The following SNX29 variants were observed in gnomAD, a reference collection of about 807,000 sequenced individuals.
SNX29 encodes sorting nexin-29.
Under a neutral mutation model 102.1 loss-of-function variants are expected in SNX29, and 78 were observed. The ratio of observed to expected loss-of-function variants is 0.76; its 90% CI spans 0.64 to 0.92. SNX29 has a LOEUF of 0.92. Among genes scored for constraint, SNX29 ranks in the 40% least tolerant of loss-of-function variants. The pLI is 0.00. For missense variants in SNX29, 1,280 were observed against 1,061.7 expected (o/e 1.21, Z -2.86); for synonymous variants, 580 against 414.5 (o/e 1.40, Z -4.85).
At chr16:12,543,163 C>T (rs1344829254) in intron 20 of SNX29, among the ~76,000 whole-genome samples, 4 of 152,184 alleles carry the variant, frequency 2.6e-5, no homozygotes, top group Admixed American at 1.3e-4. Flanking sequence ...TAAGTGTTCT[C>T]ATCAGCTCCT....
chr16:12,514,356 T>G (rs1332109251), intron 19 of SNX29, among the ~76,000 whole-genome samples: 1 of 152,004 alleles, frequency 6.6e-6, no homozygotes, highest in Non-Finnish European at 1.5e-5. Flanking sequence ...AATCTTGTGG[T>G]CCCCCTAAGC....
At chr16:12,153,466 A>AC (rs1156313128) in intron 13 of SNX29, among the ~76,000 whole-genome samples, 49 of 150,584 alleles carry the variant, frequency 3.3e-4, no homozygotes, top group African/African-American at 1.1e-3. Flanking sequence ...TGTCTCAAAA[A>AC]AAAAAACAAA....
At chr16:12,521,428 A>G (rs1244898165) in intron 19 of SNX29, among the ~76,000 whole-genome samples, 2 of 151,998 alleles carry the variant, frequency 1.3e-5, no homozygotes, top group South Asian at 4.1e-4. Context: ...GATTAGACTC[A>G]TGGATGGAAT....
intron 14 of SNX29, among the ~76,000 whole-genome samples, chr16:12,210,272 G>C (rs562495612): frequency 8.5e-5 from 13 of 152,182 alleles, no homozygotes; most frequent in Admixed American, 7.8e-4. Context: ...GACTGGAGAG[G>C]CTGGGGCTGG....
At chr16:12,548,461 G>A (rs1385854948) in intron 20 of SNX29, among the ~76,000 whole-genome samples, 1 of 152,166 alleles carries the variant, frequency 6.6e-6, no homozygotes, top group Non-Finnish European at 1.5e-5. Flanking sequence ...TGTGTCTTTT[G>A]GACAGCACCG....
intron 15 of SNX29, among the ~76,000 whole-genome samples, chr16:12,317,637 A>T (rs113248430): frequency 1.0e-3 from 158 of 152,342 alleles, no homozygotes; most frequent in Non-Finnish European, 1.9e-3. Context: ...TTCATTGTGC[A>T]TTTAATTAAC....
chr16:12,497,625 G>A (rs903385557), intron 19 of SNX29, among the ~76,000 whole-genome samples: 3 of 152,158 alleles, frequency 2.0e-5, no homozygotes, highest in Non-Finnish European at 2.9e-5. Flanking sequence ...TGTATTTGCT[G>A]ACATGAGAAA....
At position 12,572,944 on chromosome 16, in the gene SNX29, C is replaced by T. The variant is rs2079219130; in HGVS notation, c.*4315C>T. On this transcript the variant is annotated 3_prime_UTR_variant, in exon 21 of 21. Coordinates refer to ENST00000566228, the MANE Select transcript of SNX29 (RefSeq NM_032167.5). ...AGTGTTTCTTCAAGGCAGGCATCTG[C>T]TTATGAGCAAGGTCAAAGATTTTTC... 1.4e-6 allele frequency: 1 copy of T among 737,948 alleles called. No homozygotes were observed. Among genetic ancestry groups the T allele is most frequent in the Non-Finnish European group, 1.7e-6 (1 of 581,008 alleles). 45.7% of individuals were successfully genotyped at this position (737,948 alleles called of 1,614,324 possible).
At chr16:12,444,906 C>G (rs2085980904) in intron 18 of SNX29, among the ~76,000 whole-genome samples, 1 of 145,388 alleles carries the variant, frequency 6.9e-6, no homozygotes, top group African/African-American at 2.6e-5. Flanking sequence ...GGCTGGAGTG[C>G]AGTGGCACGA....
chr16:12,023,130 C>G (rs1297617204), intron 3 of SNX29, among the ~76,000 whole-genome samples: 3 of 152,076 alleles, frequency 2.0e-5, no homozygotes, highest in Non-Finnish European at 2.9e-5. Flanking sequence ...CTCCTGACCT[C>G]AAGTGATCTA....
intron 15 of SNX29, among the ~76,000 whole-genome samples, chr16:12,337,419 A>G (rs1023399628): frequency 6.6e-6 from 1 of 152,026 alleles, no homozygotes; most frequent in Non-Finnish European, 1.5e-5. Context: ...TCGGTTCACC[A>G]CAGCCTCGAC....
intron 20 of SNX29, among the ~76,000 whole-genome samples, chr16:12,547,955 C>A (rs567751244): frequency 2.6e-5 from 4 of 152,280 alleles, no homozygotes; most frequent in African/African-American, 9.6e-5. Flanking sequence ...CCTCAAGGTG[C>A]TCAGTCTTTT....
At chr16:12,200,393 C>A (rs1234403007) in intron 14 of SNX29, among the ~76,000 whole-genome samples, 1 of 152,114 alleles carries the variant, frequency 6.6e-6, no homozygotes, top group Non-Finnish European at 1.5e-5. Flanking sequence ...TCTTGCAGCC[C>A]TCAGCCAAAA....
intron 3 of SNX29, among the ~76,000 whole-genome samples, chr16:12,005,067 C>T (rs773035627): frequency 1.4e-4 from 22 of 152,280 alleles, no homozygotes; most frequent in Non-Finnish European, 2.4e-4. Flanking sequence ...TGTGCCACCA[C>T]GAAGCCTGTA....
intron 11 of SNX29, among the ~76,000 whole-genome samples, chr16:12,106,396 C>T (rs192642017): frequency 6.6e-6 from 1 of 152,218 alleles, no homozygotes. Context: ...AGATGTTGCC[C>T]TTGTCCACGT....
chr16:12,477,228 T>C (rs182164012), intron 18 of SNX29, among the ~76,000 whole-genome samples: 3 of 152,316 alleles, frequency 2.0e-5, no homozygotes, highest in African/African-American at 7.2e-5. Context: ...CCCCCTCCCT[T>C]CTTTCTGAAA....
chr16:11,984,674 G>C (rs2055537424), intron 1 of SNX29, among the ~76,000 whole-genome samples: 1 of 151,532 alleles, frequency 6.6e-6, no homozygotes, highest in Non-Finnish European at 1.5e-5. Context: ...TTTCTTTTGA[G>C]ACAGGGTTTT....
intron 18 of SNX29, among the ~76,000 whole-genome samples, chr16:12,456,424 G>A (rs2151735375): frequency 6.6e-6 from 1 of 152,274 alleles, no homozygotes. Flanking sequence ...TATACCAAAT[G>A]CTGTGAAGAA....
intron 9 of SNX29, among the ~76,000 whole-genome samples, chr16:12,062,660 C>T (rs74008656): frequency 1.8e-3 from 273 of 152,202 alleles, no homozygotes; most frequent in African/African-American, 6.3e-3. Flanking sequence ...CCTTCTTAGG[C>T]GCCTCCTCGT....
Sources: allele counts gnomAD v4.1 joint callset (sites outside exome capture counted in the v4.1 genomes callset), GRCh38; gene constraint gnomAD v4.1.1; transcripts MANE v1.5; gene names NCBI Gene and HGNC (gene_info 2026-07-23, HGNC 2026-07-21).